The following RTN4R variants were observed in gnomAD, a reference collection of about 807,000 sequenced individuals.
RTN4R encodes reticulon-4 receptor.
A neutral mutation model predicts 27.7 loss-of-function variants in RTN4R; 4 were observed. The observed-to-expected ratio is 0.14, with a 90% CI of 0.07 to 0.33. RTN4R has a LOEUF of 0.33. RTN4R is among the 10% of genes least tolerant of loss of function. The pLI is 1.00. For synonymous variants in RTN4R, 290 were observed against 305.6 expected, an observed-to-expected ratio of 0.95 and a Z score of 0.53; for missense variants, 554 against 671.5, an observed-to-expected ratio of 0.83 and a Z score of 1.93.
intron 1 of RTN4R, among the ~76,000 whole-genome samples, chr22:20,246,099 G>T (rs973449052): frequency 7.9e-5 from 12 of 152,232 alleles, no homozygotes; most frequent in African/African-American, 2.9e-4. Context: ...CCCGGAGGAT[G>T]GCCCTGCTGG....
rs1210145899 is a variant in RTN4R, at chr22:20,242,725, G to A, written c.408C>T (p.His136=). ...GCTCCTGCAGGCCGCAGCGGTCCAGGTGCAGCGTGTGTAGGCGGCCCAGGC... is the reference window on the plus strand; with the variant it reads ...GCTCCTGCAGGCCGCAGCGGTCCAGATGCAGCGTGTGTAGGCGGCCCAGGC... ...FHGLGRLHTL[H]LDRCGLQELG... is the part of the protein sequence containing the mutation. The change falls in exon 2 of 2, where the codon CAC becomes CAT. Residue 136 remains histidine (H), a synonymous_variant. Coordinates refer to ENST00000043402, the MANE Select transcript of RTN4R (RefSeq NM_023004.6). The A allele has an allele frequency of 1.9e-6, 3 of 1,612,576 alleles. No individual in the cohort carries two copies. The highest frequency in any genetic ancestry group is 1.7e-6 in the Non-Finnish European group (2 of 1,179,676).
intron 1 of RTN4R, among the ~76,000 whole-genome samples, chr22:20,248,516 G>A (rs1052982037): frequency 6.6e-6 from 1 of 152,212 alleles, no homozygotes; most frequent in East Asian, 1.9e-4. Flanking sequence ...ACACATCAAC[G>A]TGGGCCACAC....
intron 1 of RTN4R, 127 bp downstream of exon 1, chr22:20,267,944 C>T: frequency 2.0e-6 from 1 of 501,440 alleles, no homozygotes; most frequent in Non-Finnish European, 2.9e-6. Flanking sequence ...GTGGCTTTCC[C>T]TGCCGCCCGG....
chr22:20,265,854 C>T (rs1051134893), intron 1 of RTN4R, among the ~76,000 whole-genome samples: 1 of 152,204 alleles, frequency 6.6e-6, no homozygotes, highest in African/African-American at 2.4e-5. Flanking sequence ...CGGGCCAATT[C>T]CGCCCAGCCT....
At chr22:20,261,136 G>C (rs1406252270) in intron 1 of RTN4R, among the ~76,000 whole-genome samples, 3 of 152,210 alleles carry the variant, frequency 2.0e-5, no homozygotes, top group Non-Finnish European at 4.4e-5. Context: ...GTTCAGCAGA[G>C]GCTCCTGCTC....
At chr22:20,262,844 G>C (rs1321901101) in intron 1 of RTN4R, among the ~76,000 whole-genome samples, 1 of 152,356 alleles carries the variant, frequency 6.6e-6, no homozygotes, top group South Asian at 2.1e-4. Context: ...GGGGACTTCT[G>C]GCATGTCCCC....
chr22:20,248,889 C>T (rs757747904), intron 1 of RTN4R, among the ~76,000 whole-genome samples: 8 of 152,152 alleles, frequency 5.3e-5, no homozygotes, highest in Non-Finnish European at 1.2e-4. Context: ...GGGCTGCCTG[C>T]GTGGAGGGCT....
At position 20,242,233 on chromosome 22, in the gene RTN4R, G is replaced by A. The variant is rs1251000683; in HGVS notation, c.900C>T (p.Arg300=). Residue 300 remains arginine (R), a synonymous_variant, in exon 2 of 2, where the codon CGC becomes CGT. Coordinates refer to ENST00000043402, the MANE Select transcript of RTN4R (RefSeq NM_023004.6). The part of the protein sequence containing the change: ...PQRLAGRDLK[R]LAANDLQGCA... Reference sequence around the variant, plus strand: ...AGCCCTGCAGGTCATTGGCAGCTAGGCGTTTGAGGTCACGGCCAGCCAGGC... The same window carrying A: ...AGCCCTGCAGGTCATTGGCAGCTAGACGTTTGAGGTCACGGCCAGCCAGGC... The A allele has an allele frequency of 3.1e-6, 5 of 1,604,264 alleles. No homozygotes were observed. In the Admixed American group the frequency reaches 6.8e-5, roughly 22 times the overall value.
At chr22:20,267,066 G>T (rs1309178940) in intron 1 of RTN4R, among the ~76,000 whole-genome samples, 1 of 152,242 alleles carries the variant, frequency 6.6e-6, no homozygotes, top group East Asian at 1.9e-4. Flanking sequence ...ACCACAGCAG[G>T]CATGCCGCGT....
At chr22:20,252,205 C>G (rs1415091752) in intron 1 of RTN4R, among the ~76,000 whole-genome samples, 1 of 151,206 alleles carries the variant, frequency 6.6e-6, no homozygotes, top group African/African-American at 2.4e-5. Context: ...TATCATCACA[C>G]CAGCTCTGTG....
At chr22:20,267,932 C>A in intron 1 of RTN4R, 139 bp downstream of exon 1, 1 of 408,698 alleles carries the variant, frequency 2.4e-6, no homozygotes, top group Non-Finnish European at 3.8e-6. Flanking sequence ...CGCGGCACTG[C>A]GGTGGCTTTC....
intron 1 of RTN4R, among the ~76,000 whole-genome samples, chr22:20,246,141 T>C (rs2051139792): frequency 6.6e-6 from 1 of 152,230 alleles, no homozygotes; most frequent in African/African-American, 2.4e-5. Flanking sequence ...TAGGAGCTCC[T>C]GTCTCAGCCC....
At chr22:20,257,502 C>A (rs985329954) in intron 1 of RTN4R, among the ~76,000 whole-genome samples, 1 of 152,170 alleles carries the variant, frequency 6.6e-6, no homozygotes, top group African/African-American at 2.4e-5. Context: ...CGTGAGGGCA[C>A]GGTAAGGAGG....
intron 1 of RTN4R, among the ~76,000 whole-genome samples, chr22:20,247,890 T>G (rs2051151044): frequency 6.6e-6 from 1 of 152,204 alleles, no homozygotes; most frequent in Non-Finnish European, 1.5e-5. Context: ...GGGCAGAGCC[T>G]TCAGGACTGG....
In RTN4R at chr22:20,241,733, C is replaced by A; in HGVS notation, c.1400G>T (p.Trp467Leu). The A allele has an allele frequency of 6.4e-7, 1 of 1,550,582 alleles. No individual in the cohort carries two copies. Among genetic ancestry groups the A allele is most frequent in the Non-Finnish European group, 8.7e-7 (1 of 1,147,052 alleles). Residue 467 changes from tryptophan (W) to leucine (L), a missense_variant, in exon 2 of 2, where the codon TGG becomes TTG. Physicochemically the swap from Trp to Leu is moderately conservative, Grantham distance 61 (BLOSUM62 -2). This residue lies in a region of RTN4R where 141 missense variants were observed against 129.2 expected (regional missense o/e 1.09). Transcript: ENST00000043402. ...GGGTCAGCAGGGCCCAAGCACTGTC[C>A]ACAGCACCAGCGCCAGGCCCAGGGG... ...LTPLGLALVL[W>L]TVLGPC
At chr22:20,264,991 G>A (rs559070594) in intron 1 of RTN4R, among the ~76,000 whole-genome samples, 23 of 152,324 alleles carry the variant, frequency 1.5e-4, no homozygotes, top group African/African-American at 3.8e-4. Flanking sequence ...AACTCCCCGT[G>A]TGCTTCCTGC....
intron 1 of RTN4R, among the ~76,000 whole-genome samples, chr22:20,251,239 ACTTCC>A (rs2145977408): frequency 6.6e-6 from 1 of 151,818 alleles, no homozygotes; most frequent in South Asian, 2.1e-4. Flanking sequence ...GTGTCGATGT[ACTTCC>A]CAGGACATCA....
intron 1 of RTN4R, among the ~76,000 whole-genome samples, chr22:20,263,639 A>G (rs1369629758): frequency 2.0e-5 from 3 of 152,180 alleles, no homozygotes; most frequent in African/African-American, 7.2e-5. Flanking sequence ...GCCCAGCTCC[A>G]TGTGCCAGGG....
chr22:20,265,678 G>A (rs1334539188), intron 1 of RTN4R, among the ~76,000 whole-genome samples: 3 of 152,202 alleles, frequency 2.0e-5, no homozygotes, highest in Non-Finnish European at 2.9e-5. Flanking sequence ...CCTGTGGCCC[G>A]AGTTGCCTGA....
Sources: gnomAD v4.1 joint callset for allele counts (sites outside exome capture counted in the v4.1 genomes callset) on GRCh38, gnomAD v4.1.1 for gene constraint, gnomAD v4.1.1 regional missense constraint, MANE v1.5 for transcripts, NCBI Gene and HGNC (gene_info 2026-07-23, HGNC 2026-07-21) for gene names.